SIM1: variants seen among roughly 807,000 people sequenced by gnomAD.
SIM1 encodes SIM bHLH transcription factor 1.
In SIM1, 18 loss-of-function variants were observed where a neutral mutation model predicts 78.2. That is an observed-to-expected ratio of 0.23 (90% CI 0.16 to 0.34). SIM1 has a LOEUF of 0.34. Among genes scored for constraint, SIM1 ranks in the 10% least tolerant of loss-of-function variants. SIM1 has a pLI of 1.00. For missense variants in SIM1, 939 were observed against 975.1 expected, an observed-to-expected ratio of 0.96 and a Z score of 0.49; for synonymous variants, 417 against 385.2, an observed-to-expected ratio of 1.08 and a Z score of -0.97.
chr6:100,446,733 T>C (rs1582315441), intron 9 of SIM1, among the ~76,000 whole-genome samples: 1 of 152,222 alleles, frequency 6.6e-6, no homozygotes, highest in African/African-American at 2.4e-5. Context: ...CAGCGTTCTC[T>C]TGGGTCCCTT....
chr6:100,403,238 A>G (rs1456134370), intron 10 of SIM1, among the ~76,000 whole-genome samples: 1 of 152,230 alleles, frequency 6.6e-6, no homozygotes, highest in African/African-American at 2.4e-5. Flanking sequence ...GCCAGCCACC[A>G]AAGGTGGGCT....
At position 100,391,990 on chromosome 6, in the gene SIM1, T is replaced by C. The variant is rs9497389; in HGVS notation, c.1571-899A>G. On this transcript the variant is annotated intron_variant, in intron 11 of 11. Transcript: ENST00000369208. ...GAGTTCAGTACCAGCCTGGCCAACA[T>C]TGTGAAGCCCCGTCTCTACTAAAAA... Among the ~76,000 whole-genome samples, 1,169 of 152,166 alleles carry C rather than the reference T, an allele frequency of 7.7e-3. 11 individuals carry two copies. The highest frequency in any genetic ancestry group is 0.027 in the African/African-American group (1,122 of 41,516).
chr6:100,447,121 C>A, intron 9 of SIM1, 147 bp downstream of exon 9: 1 of 773,680 alleles, frequency 1.3e-6, no homozygotes, highest in Non-Finnish European at 2.0e-6. Context: ...GTTCGATCTG[C>A]CTCCTCTTGG....
intron 9 of SIM1, among the ~76,000 whole-genome samples, chr6:100,426,778 ATTACT>A (rs1771742909): frequency 6.6e-6 from 1 of 152,148 alleles, no homozygotes; most frequent in Admixed American, 6.6e-5. Flanking sequence ...TTCATTTTAG[ATTACT>A]TTATTTTTGC....
Position 100,393,902 on chromosome 6 carries a change from AG to A in SIM1, c.1168-14del, listed in dbSNP as rs1349983673. ...GAAATCCCGAATACTGAAACCGAGT[AG>A]GGGAGAAAAGTCCATTTCAAAAATC... On this transcript the variant is annotated splice_polypyrimidine_tract_variant and intron_variant, in intron 10 of 11. Transcript: ENST00000369208. The A allele has an allele frequency of 6.6e-6, 10 of 1,521,600 alleles. No individual in the cohort carries two copies. Among genetic ancestry groups the A allele is most frequent in the Non-Finnish European group, 7.9e-6 (9 of 1,134,802 alleles). The allele number at this position is 1,521,600 out of a possible 1,614,324, so 94.3% of individuals were successfully genotyped here.
At chr6:100,421,977 C>T (rs1014338851) in intron 9 of SIM1, among the ~76,000 whole-genome samples, 7 of 151,400 alleles carry the variant, frequency 4.6e-5, no homozygotes, top group Admixed American at 1.3e-4. Flanking sequence ...TAGCTCCTCA[C>T]GTTTCCCTCT....
intron 1 of SIM1, among the ~76,000 whole-genome samples, 182 bp downstream of exon 1, chr6:100,464,432 G>C (rs899823328): frequency 2.6e-5 from 4 of 152,186 alleles, no homozygotes; most frequent in African/African-American, 9.6e-5. Flanking sequence ...GCGACCCAGC[G>C]CTCTGGCTGC....
Position 100,390,891 on chromosome 6 carries a change from G to T in SIM1, c.1771C>A (p.Gln591Lys), listed in dbSNP as rs1415067459. The T allele has an allele frequency of 2.5e-6, 4 of 1,614,108 alleles. No individual in the cohort carries two copies. Among genetic ancestry groups the T allele is most frequent in the Non-Finnish European group, 3.4e-6 (4 of 1,180,024 alleles). ...RLQLRKAPSD[Q>K]LASINGAGKK... ...CCAGCCCCATTAATGGAAGCCAGTT[G>T]GTCTGAGGGGGCTTTCCTTAGCTGT... The change falls in exon 12 of 12, where the codon CAA becomes AAA. Residue 591 changes from glutamine (Q) to lysine (K), a missense_variant. This residue lies in a region of SIM1 where 556 missense variants were observed against 521.9 expected (regional missense o/e 1.07). Coordinates refer to ENST00000369208, the MANE Select transcript of SIM1 (RefSeq NM_005068.3).
At chr6:100,452,363 A>G (rs1266727484) in intron 3 of SIM1, among the ~76,000 whole-genome samples, 1 of 152,178 alleles carries the variant, frequency 6.6e-6, no homozygotes, top group African/African-American at 2.4e-5. Context: ...TTAGAATGCA[A>G]ACTCCATGAG....
chr6:100,405,626 A>G (rs1383677561), intron 10 of SIM1, among the ~76,000 whole-genome samples: 1 of 152,170 alleles, frequency 6.6e-6, no homozygotes, highest in Non-Finnish European at 1.5e-5. Flanking sequence ...AATCTTTTAT[A>G]CATGTAAATT....
At chr6:100,415,146 C>G (rs771306629) in intron 10 of SIM1, among the ~76,000 whole-genome samples, 2 of 152,134 alleles carry the variant, frequency 1.3e-5, no homozygotes, top group Non-Finnish European at 2.9e-5. Flanking sequence ...AATGTAACTA[C>G]AAACATGCCA....
intron 10 of SIM1, among the ~76,000 whole-genome samples, chr6:100,417,817 A>T (rs1257042410): frequency 6.6e-6 from 1 of 152,236 alleles, no homozygotes; most frequent in African/African-American, 2.4e-5. Context: ...GTAGGAACTC[A>T]TCAATGATTG....
intron 3 of SIM1, among the ~76,000 whole-genome samples, chr6:100,452,096 G>C (rs549811878): frequency 2.0e-5 from 3 of 152,266 alleles, no homozygotes; most frequent in Middle Eastern, 3.4e-3. Flanking sequence ...AATCAAAAGG[G>C]AGCAGGCAGA....
intron 2 of SIM1, among the ~76,000 whole-genome samples, chr6:100,461,933 G>GT (rs1772867385): frequency 6.8e-6 from 1 of 147,296 alleles, no homozygotes; most frequent in South Asian, 2.1e-4. Flanking sequence ...ACTGTTCAAG[G>GT]AACTGCTTTA....
chr6:100,448,550 C>A lies in SIM1; in HGVS notation c.672G>T (p.Glu224Asp), dbSNP rs548729375. Reference sequence around the variant, plus strand: ...TAAACATATTGCTGTGTAGCTTGATCTCCGTGACGGCGCTGGGAGGCAGCG... The same window carrying A: ...TAAACATATTGCTGTGTAGCTTGATATCCGTGACGGCGCTGGGAGGCAGCG... Reference protein sequence around the residue: ...GHSLPPSAVTEIKLHSNMFMF... With the variant: ...GHSLPPSAVTDIKLHSNMFMF... The change falls in exon 7 of 12, where the codon GAG (glutamate) becomes GAT (aspartate). Residue 224 changes from glutamate to aspartate, a missense_variant. Glu to Asp is a conservative substitution (Grantham distance 45). Around this residue, in one of 5 missense-constraint regions of SIM1, gnomAD observed 187 missense variants for 191.6 expected, o/e 0.98. Transcript: ENST00000369208. 9 of 1,614,162 alleles carry A rather than the reference C, an allele frequency of 5.6e-6. No individual in the cohort carries two copies. In the East Asian group the frequency reaches 2.0e-4, roughly 36 times the overall value.
chr6:100,387,757 C>T lies in SIM1; in HGVS notation c.*2604G>A, dbSNP rs1474090996. On this transcript the variant is annotated 3_prime_UTR_variant, in exon 12 of 12. Transcript: ENST00000369208. ...AAGAGCATTATTCCTTCTGATTACT[C>T]TCATCTGTGAAATTCATAATTTCTT... 1 of 152,078 alleles carries T rather than the reference C, an allele frequency of 6.6e-6. No individual in the cohort carries two copies. Among genetic ancestry groups the T allele is most frequent in the Non-Finnish European group, 1.5e-5 (1 of 67,968 alleles). 9.4% of individuals were successfully genotyped at this position (152,078 alleles called of 1,614,324 possible). A position where few individuals can be genotyped will look rare whatever the true frequency, so the allele number is the denominator to read the frequency against.
chr6:100,429,462 A>G (rs1771844277), intron 9 of SIM1, among the ~76,000 whole-genome samples: 1 of 152,142 alleles, frequency 6.6e-6, no homozygotes, highest in South Asian at 2.1e-4. Flanking sequence ...AGAACCAACA[A>G]TAATAGAATT....
At chr6:100,445,149 T>A (rs1366547235) in intron 9 of SIM1, among the ~76,000 whole-genome samples, 1 of 152,172 alleles carries the variant, frequency 6.6e-6, no homozygotes, top group Admixed American at 6.5e-5. Context: ...AGATGTGTGA[T>A]ATGCACATCA....
chr6:100,399,876 A>G (rs1193380010), intron 10 of SIM1, among the ~76,000 whole-genome samples: 1 of 152,048 alleles, frequency 6.6e-6, no homozygotes, highest in East Asian at 1.9e-4. Context: ...TGCCTAAAAC[A>G]CAGTTTCAAA....
Sources: allele counts gnomAD v4.1 joint callset (sites outside exome capture counted in the v4.1 genomes callset), GRCh38; gene constraint gnomAD v4.1.1; regional missense constraint gnomAD v4.1.1; transcripts MANE v1.5; gene names NCBI Gene and HGNC (gene_info 2026-07-23, HGNC 2026-07-21).